XDH: variants seen among roughly 807,000 people sequenced by gnomAD.
XDH encodes the protein xanthine dehydrogenase/oxidase.
Under a neutral mutation model 156.1 loss-of-function variants are expected in XDH, and 138 were observed. The observed-to-expected ratio is 0.88, with a 90% CI of 0.77 to 1.02. The LOEUF is 1.02. Ranked by LOEUF, XDH falls within the 50% of genes least tolerant of loss-of-function variation. The probability of loss-of-function intolerance (pLI) is 0.00; values close to 1 mark genes in which losing one functional copy is unlikely to be tolerated. For missense variants in XDH, 1,849 were observed against 1,684.9 expected, an observed-to-expected ratio of 1.10 and a Z score of -1.71; for synonymous variants, 669 against 625.7, an observed-to-expected ratio of 1.07 and a Z score of -1.03.
chr2:31,346,619 C>T (rs767212078), intron 30 of XDH, 150 bp downstream of exon 30: 3 of 970,840 alleles, frequency 3.1e-6, no homozygotes, highest in South Asian at 2.6e-5. Flanking sequence ...AGCATTTATT[C>T]ATCCTGTAAA....
chr2:31,383,631 G>C, intron 10 of XDH, 124 bp downstream of exon 10: 1 of 888,822 alleles, frequency 1.1e-6, no homozygotes, highest in East Asian at 2.6e-5. Flanking sequence ...TGCAAGGTGA[G>C]CCCCAGGAGA....
At chr2:31,356,667 C>T (rs1685632269) in intron 24 of XDH, among the ~76,000 whole-genome samples, 2 of 152,138 alleles carry the variant, frequency 1.3e-5, no homozygotes, top group Non-Finnish European at 1.5e-5. Context: ...GACTTCTGGC[C>T]TCAGAACTGT....
At chr2:31,363,939 A>C (rs1468080298) in intron 24 of XDH, among the ~76,000 whole-genome samples, 5 of 152,214 alleles carry the variant, frequency 3.3e-5, no homozygotes, top group African/African-American at 4.8e-5. Context: ...AGCTTGGCAA[A>C]TTATCTTGAA....
intron 1 of XDH, among the ~76,000 whole-genome samples, chr2:31,410,046 T>C (rs548513690): frequency 6.6e-6 from 1 of 152,204 alleles, no homozygotes; most frequent in Non-Finnish European, 1.5e-5. Flanking sequence ...CAATGGAATA[T>C]TATTCAACCT....
At chr2:31,349,086 A>T in intron 26 of XDH, 106 bp from the exon 27 acceptor site, 1 of 1,071,944 alleles carries the variant, frequency 9.3e-7, no homozygotes, top group Non-Finnish European at 1.4e-6. Context: ...TTGCCCACAA[A>T]GATGAGAACA....
Position 31,342,405 on chromosome 2 carries a change from C to T in XDH, c.3405-108G>A, listed in dbSNP as rs1170258245. The stretch of plus-strand genomic sequence containing the variant: ...CATCTTTAAACCCCACAAGTTTTTG[C>T]ATTCAGCTGTTCTCCAAAAAAGTCC... On this transcript the variant is annotated intron_variant, in intron 31 of 35. Transcript: ENST00000379416. The T allele has an allele frequency of 4.1e-6, 4 of 968,400 alleles. No individual in the cohort carries two copies. The African/African-American group carries it at 6.5e-5, about 16-fold the overall frequency. The allele number at this position is 968,400 out of a possible 1,614,324, so 60.0% of individuals were successfully genotyped here. A position where few individuals can be genotyped will look rare whatever the true frequency, so the allele number is the denominator to read the frequency against.
At chr2:31,401,140 A>T in intron 4 of XDH, 80 bp downstream of exon 4, 1 of 1,517,600 alleles carries the variant, frequency 6.6e-7, no homozygotes, top group Non-Finnish European at 9.1e-7. Flanking sequence ...AACCCAAAGC[A>T]AGTCTGCAAC....
intron 34 of XDH, among the ~76,000 whole-genome samples, chr2:31,338,714 C>CTT (rs57389753): frequency 0.071 from 4,446 of 62,226 alleles, 1,288 homozygotes; most frequent in Non-Finnish European, 0.083. Flanking sequence ...CTGACCAAGT[C>CTT]TTTTTTTTTT....
chr2:31,374,113 C>T (rs752252942), intron 15 of XDH, among the ~76,000 whole-genome samples, 157 bp from the exon 16 acceptor site: 3 of 152,214 alleles, frequency 2.0e-5, no homozygotes, highest in Non-Finnish European at 4.4e-5. Context: ...CATCCAAACA[C>T]GGGCTCTGAG....
intron 6 of XDH, among the ~76,000 whole-genome samples, chr2:31,393,943 T>G (rs1686838205): frequency 6.6e-6 from 1 of 152,070 alleles, no homozygotes; most frequent in South Asian, 2.1e-4. Context: ...TTTTCCCTCT[T>G]GTTTATTTTA....
rs576020633 is a variant in XDH, at chr2:31,339,738, C to T, written c.3586-61G>A. 3.8e-6 allele frequency: 6 copies of T among 1,594,966 alleles called. No homozygotes were observed. In the African/African-American group the frequency reaches 5.3e-5, roughly 14 times the overall value. ...CCTTCTTCCCTGAGGACAGATACCA[C>T]TTGCCACAATGGACACAAAGCGCCA... On this transcript the variant is annotated intron_variant, in intron 33 of 35. Coordinates refer to ENST00000379416, the MANE Select transcript of XDH (RefSeq NM_000379.4).
Position 31,339,450 on chromosome 2 carries a change from C to T in XDH, c.3774+39G>A, listed in dbSNP as rs764443233. The T allele has an allele frequency of 1.4e-5, 23 of 1,612,812 alleles. No individual in the cohort carries two copies. In the East Asian group the frequency reaches 1.6e-4, roughly 11 times the overall value. ...TCACCCGCTGGGGCCTCCCCCAGGG[C>T]AGATCAGAAGAGACAGCACAGAGCC... On this transcript the variant is annotated intron_variant, in intron 34 of 35. Transcript: ENST00000379416.
At chr2:31,342,050 G>GCCCTTT in intron 32 of XDH, 133 bp downstream of exon 32, 1 of 795,984 alleles carries the variant, frequency 1.3e-6, no homozygotes. Context: ...CCCTTTATAG[G>GCCCTTT]ATGTTTGCCT....
At chr2:31,409,990 T>C (rs942115079) in intron 1 of XDH, among the ~76,000 whole-genome samples, 1 of 152,168 alleles carries the variant, frequency 6.6e-6, no homozygotes, top group Admixed American at 6.5e-5. Flanking sequence ...GCAACCAAAA[T>C]GTCCATCAAT....
chr2:31,336,743 C>G (rs1684978420), intron 35 of XDH, among the ~76,000 whole-genome samples: 1 of 149,624 alleles, frequency 6.7e-6, no homozygotes. Context: ...CCCTGGGGTT[C>G]CTCTGTGCCC....
In XDH at chr2:31,388,256, A is replaced by T; in HGVS notation, c.535T>A (p.Cys179Ser). The change falls in exon 7 of 36, where the codon TGC becomes AGC. Residue 179 changes from cysteine to serine, a missense_variant. Transcript: ENST00000379416. ...TGGTCTTTCTTCTGGTTCATGCAGC[A>T]ATTTGGATTATTCCCATCTCCTCCA... ...CCGGDGNNPN[C>S]CMNQKKDHSV... 6.2e-7 allele frequency: 1 copy of T among 1,614,236 alleles called. No homozygotes were observed. Among genetic ancestry groups the T allele is most frequent in the East Asian group, 2.2e-5 (1 of 44,870 alleles).
chr2:31,349,042 T>A (rs1388774205), intron 26 of XDH, 62 bp from the exon 27 acceptor site: 2 of 1,492,232 alleles, frequency 1.3e-6, no homozygotes, highest in East Asian at 4.6e-5. Flanking sequence ...TGAATATCTT[T>A]GGATGTTCAC....
Position 31,335,672 on chromosome 2 carries a change from C to T in XDH, c.*286G>A. 1.9e-6 allele frequency: 1 copy of T among 521,622 alleles called. No homozygotes were observed. The highest frequency in any genetic ancestry group is 3.5e-6 in the Non-Finnish European group (1 of 287,522). 32.3% of individuals were successfully genotyped at this position (521,622 alleles called of 1,614,324 possible). ...CCAGTAAGTGGGGAATAGCACAAAC[C>T]CTTCCCGACCCTATTCCAGATACAT... On this transcript the variant is annotated 3_prime_UTR_variant, in exon 36 of 36. Transcript: ENST00000379416.
chr2:31,406,940 A>G (rs964662924), intron 1 of XDH, among the ~76,000 whole-genome samples: 2 of 152,252 alleles, frequency 1.3e-5, no homozygotes, highest in Admixed American at 6.5e-5. Flanking sequence ...ATAAGGTGGA[A>G]AAAGTGGTCT....
Sources: allele counts gnomAD v4.1 joint callset (sites outside exome capture counted in the v4.1 genomes callset), GRCh38; gene constraint gnomAD v4.1.1; transcripts MANE v1.5; gene names NCBI Gene and HGNC (gene_info 2026-07-23, HGNC 2026-07-21).